SERINC5: variants seen among roughly 807,000 people sequenced by gnomAD.
The protein encoded by SERINC5 is serine incorporator 5, also known as chromosome 5 open reading frame 12.
A neutral mutation model predicts 63.1 loss-of-function variants in SERINC5; 41 were observed. The ratio of observed to expected loss-of-function variants is 0.65; its 90% CI spans 0.51 to 0.84. The LOEUF is 0.84. Ranked by LOEUF, SERINC5 falls within the 40% of genes least tolerant of loss-of-function variation. SERINC5 has a pLI of 0.00. For synonymous variants in SERINC5, 222 were observed against 215.2 expected, an observed-to-expected ratio of 1.03 and a Z score of -0.28; for missense variants, 523 against 573.0, an observed-to-expected ratio of 0.91 and a Z score of 0.89.
chr5:80,197,449 G>T (rs192345660), intron 2 of SERINC5, among the ~76,000 whole-genome samples: 5 of 152,224 alleles, frequency 3.3e-5, no homozygotes, highest in African/African-American at 1.2e-4. Flanking sequence ...AGACAAAATA[G>T]ATTAGTGGCT....
At chr5:80,120,222 T>C (rs1337230430) in intron 11 of SERINC5, among the ~76,000 whole-genome samples, 1 of 152,196 alleles carries the variant, frequency 6.6e-6, no homozygotes, top group Admixed American at 6.5e-5. Flanking sequence ...CCCAGCACCC[T>C]TTGCAGCCAG....
intron 1 of SERINC5, among the ~76,000 whole-genome samples, chr5:80,217,684 T>C (rs1750730665): frequency 6.6e-6 from 1 of 152,202 alleles, no homozygotes; most frequent in Non-Finnish European, 1.5e-5. Flanking sequence ...TACTAGTGAC[T>C]GGGTACTGGT....
Position 80,210,599 on chromosome 5 carries a change from C to A in SERINC5, c.28-7546G>T, listed in dbSNP as rs755835686. 3.3e-5 allele frequency among the ~76,000 whole-genome samples: 5 copies of A among 152,106 alleles called. No individual in the cohort carries two copies. In the East Asian group the frequency reaches 9.7e-4, roughly 29 times the overall value. ...AATTTCCAGCTGGCAACAAGAAGGCCAAACATATTACAAAATCGGCATGCA... is the reference window on the plus strand; with the variant it reads ...AATTTCCAGCTGGCAACAAGAAGGCAAAACATATTACAAAATCGGCATGCA... On this transcript the variant is annotated intron_variant, in intron 1 of 11. Coordinates refer to ENST00000507668, the MANE Select transcript of SERINC5 (RefSeq NM_001174072.3).
At chr5:80,242,888 A>T (rs1182357519) in intron 1 of SERINC5, among the ~76,000 whole-genome samples, 1 of 152,250 alleles carries the variant, frequency 6.6e-6, no homozygotes, top group East Asian at 1.9e-4. Context: ...AGGCCTCTGC[A>T]TTCCAGCCTA....
At chr5:80,160,072 C>T (rs574299839) in intron 7 of SERINC5, among the ~76,000 whole-genome samples, 1 of 152,196 alleles carries the variant, frequency 6.6e-6, no homozygotes, top group African/African-American at 2.4e-5. Context: ...TCTGGAGGGC[C>T]GGACTTGTGA....
chr5:80,243,427 T>G (rs1205625358), intron 1 of SERINC5, among the ~76,000 whole-genome samples: 5 of 151,988 alleles, frequency 3.3e-5, no homozygotes. Context: ...TTTCCCCTAC[T>G]TAACAAGAAA....
chr5:80,219,444 C>T (rs191676988), intron 1 of SERINC5, among the ~76,000 whole-genome samples: 52 of 152,316 alleles, frequency 3.4e-4, no homozygotes, highest in Middle Eastern at 3.4e-3. Context: ...CTTCTTCTTC[C>T]ACTTCTAGCT....
At position 80,143,236 on chromosome 5, in the gene SERINC5, G is replaced by A; in HGVS notation, c.*427C>T. On this transcript the variant is annotated 3_prime_UTR_variant, in exon 12 of 12. Transcript: ENST00000507668. ...ACAAGGCTCTAAGAGGCGGAAGTGAGTGAGAGGGGTCTGGATTCTGTTAGG... is the reference window on the plus strand; with the variant it reads ...ACAAGGCTCTAAGAGGCGGAAGTGAATGAGAGGGGTCTGGATTCTGTTAGG... 1.0e-6 allele frequency: 1 copy of A among 991,796 alleles called. No homozygotes were observed. Among genetic ancestry groups the A allele is most frequent in the Non-Finnish European group, 1.2e-6 (1 of 834,102 alleles). 61.4% of individuals were successfully genotyped at this position (991,796 alleles called of 1,614,324 possible).
chr5:80,251,780 C>T (rs4704652), intron 1 of SERINC5, among the ~76,000 whole-genome samples: 61,312 of 147,986 alleles, frequency 0.41, 13,432 homozygotes, highest in Middle Eastern at 0.59. Context: ...ATGGCAACCA[C>T]AGGCTTGATC....
Position 80,142,117 on chromosome 5 carries a change from G to A in SERINC5, c.*1546C>T. ...TTTTATTCTTAGATCCTCACTTACA[G>A]AGAGCTCGAGAAGATTCTTTCCACC... is the stretch of plus-strand genomic sequence containing the variant. On this transcript the variant is annotated 3_prime_UTR_variant, in exon 12 of 12. Transcript: ENST00000507668. 1.0e-6 allele frequency: 1 copy of A among 985,398 alleles called. No homozygotes were observed. Among genetic ancestry groups the A allele is most frequent in the South Asian group, 4.7e-5 (1 of 21,280 alleles). 61.0% of individuals were successfully genotyped at this position (985,398 alleles called of 1,614,324 possible).
At chr5:80,128,294 T>C (rs1218318553) in intron 11 of SERINC5, 1 of 152,176 alleles carries the variant, frequency 6.6e-6, no homozygotes, top group African/African-American at 2.4e-5. Context: ...GCCCTCAGGG[T>C]CTTCTGGCTG....
intron 1 of SERINC5, among the ~76,000 whole-genome samples, chr5:80,245,612 T>TA (rs201954825): frequency 0.031 from 4,774 of 151,796 alleles, 130 homozygotes; most frequent in Admixed American, 0.048. Context: ...AATATTTATT[T>TA]TTTTTTATTT....
At chr5:80,235,280 A>G (rs1751633207) in intron 1 of SERINC5, among the ~76,000 whole-genome samples, 1 of 152,182 alleles carries the variant, frequency 6.6e-6, no homozygotes. Context: ...CTTCTTTATT[A>G]AGGCTGTATA....
chr5:80,252,708 T>C (rs530581669), intron 1 of SERINC5, among the ~76,000 whole-genome samples: 1 of 152,296 alleles, frequency 6.6e-6, no homozygotes, highest in African/African-American at 2.4e-5. Context: ...ACACTTATCA[T>C]CACATGTAAT....
intron 2 of SERINC5, among the ~76,000 whole-genome samples, chr5:80,186,395 C>T (rs939316554): frequency 1.3e-5 from 2 of 152,036 alleles, no homozygotes; most frequent in Non-Finnish European, 2.9e-5. Context: ...GCCTCGGCCC[C>T]CTAAAGTGTT....
intron 1 of SERINC5, among the ~76,000 whole-genome samples, chr5:80,252,478 G>C (rs1018220826): frequency 6.6e-6 from 1 of 152,144 alleles, no homozygotes; most frequent in Non-Finnish European, 1.5e-5. Flanking sequence ...GCCTAGCACA[G>C]AACTTTGAAC....
chr5:80,226,535 TAAAAC>T (rs920976007), intron 1 of SERINC5, among the ~76,000 whole-genome samples: 13 of 152,026 alleles, frequency 8.6e-5, no homozygotes, highest in African/African-American at 3.1e-4. Flanking sequence ...AGAGAGACCC[TAAAAC>T]AGGTGCATGC....
intron 1 of SERINC5, among the ~76,000 whole-genome samples, chr5:80,213,612 C>G (rs1055031696): frequency 2.0e-5 from 3 of 152,154 alleles, no homozygotes; most frequent in Admixed American, 2.0e-4. Flanking sequence ...TTCTTCCCTG[C>G]CCCTGTGTGT....
At chr5:80,171,989 T>A (rs560942333) in intron 5 of SERINC5, among the ~76,000 whole-genome samples, 1 of 152,202 alleles carries the variant, frequency 6.6e-6, no homozygotes, top group Non-Finnish European at 1.5e-5. Context: ...CATATATGTA[T>A]CAAAACGTCA....
Sources: gnomAD v4.1 joint callset for allele counts (sites outside exome capture counted in the v4.1 genomes callset) on GRCh38, gnomAD v4.1.1 for gene constraint, MANE v1.5 for transcripts, NCBI Gene and HGNC (gene_info 2026-07-23, HGNC 2026-07-21) for gene names.